The following GGACT variants were observed in gnomAD, a reference collection of about 807,000 sequenced individuals.
The protein encoded by GGACT is gamma-glutamylaminecyclotransferase.
For missense variants in GGACT, 241 were observed against 233.2 expected (o/e 1.03, Z -0.22); for synonymous variants, 118 against 115.3 (o/e 1.02, Z -0.15).
chr13:100,574,513 T>C (rs1434662360), intron 2 of GGACT, among the ~76,000 whole-genome samples: 1 of 152,004 alleles, frequency 6.6e-6, no homozygotes, highest in African/African-American at 2.4e-5. Flanking sequence ...GAGGCAGAGG[T>C]TGCAGTGAGC....
At position 100,531,857 on chromosome 13, in the gene GGACT, G is replaced by C. The variant is rs1191636235; in HGVS notation, c.*273C>G. ...CCAACAGCAGAAACAACACGAGGAG[G>C]AAGAAGAATTAGGCATAACACGAGT... is the stretch of plus-strand genomic sequence containing the variant. On this transcript the variant is annotated 3_prime_UTR_variant, in exon 3 of 3. Transcript: ENST00000683975. 2 of 368,904 alleles carry C rather than the reference G, an allele frequency of 5.4e-6. No homozygotes were observed. Among genetic ancestry groups the C allele is most frequent in the African/African-American group, 4.2e-5 (2 of 47,854 alleles). 22.9% of individuals were successfully genotyped at this position (368,904 alleles called of 1,614,324 possible).
intron 1 of GGACT, chr13:100,587,046 A>G (rs1875599580): frequency 6.6e-6 from 1 of 152,156 alleles, no homozygotes; most frequent in African/African-American, 2.4e-5. Context: ...AGGGCTGCGA[A>G]TATTTCGTGT....
intron 2 of GGACT, among the ~76,000 whole-genome samples, chr13:100,541,537 C>T (rs1030133156): frequency 1.3e-5 from 2 of 152,198 alleles, no homozygotes; most frequent in African/African-American, 4.8e-5. Flanking sequence ...TAACTCCATC[C>T]TTTATCAACA....
chr13:100,575,149 T>C (rs1875211662), intron 2 of GGACT, among the ~76,000 whole-genome samples: 2 of 152,210 alleles, frequency 1.3e-5, no homozygotes, highest in African/African-American at 4.8e-5. Context: ...TTCTTCCAAG[T>C]AGATGACAGG....
At chr13:100,540,114 C>T (rs2088538377) in intron 2 of GGACT, 2 of 1,579,768 alleles carry the variant, frequency 1.3e-6, no homozygotes, top group Admixed American at 1.7e-5. Context: ...CTGCGGCCTC[C>T]ACTATGTTTC....
chr13:100,577,255 T>A (rs1409487193), intron 2 of GGACT, among the ~76,000 whole-genome samples: 1 of 151,420 alleles, frequency 6.6e-6, no homozygotes, highest in Non-Finnish European at 1.5e-5. Flanking sequence ...ATCTCTACTA[T>A]AAATACAAAA....
At chr13:100,536,839 C>G (rs2088499156) in intron 2 of GGACT, 1 of 152,566 alleles carries the variant, frequency 6.6e-6, no homozygotes, top group African/African-American at 2.4e-5. Flanking sequence ...GTGTTCTTGT[C>G]AGGCTCTCCA....
At chr13:100,562,093 G>A (rs1287326734) in intron 2 of GGACT, among the ~76,000 whole-genome samples, 1 of 152,132 alleles carries the variant, frequency 6.6e-6, no homozygotes, top group Non-Finnish European at 1.5e-5. Flanking sequence ...CCTCTAAATA[G>A]GGACAGAAAC....
intron 2 of GGACT, among the ~76,000 whole-genome samples, chr13:100,548,415 A>G (rs2088628292): frequency 6.6e-6 from 1 of 152,278 alleles, no homozygotes; most frequent in Admixed American, 6.5e-5. Context: ...CAAAACAATT[A>G]CAAAATATCA....
rs1356031903 is a variant in GGACT at position 100,532,368 on chromosome 13, A to T, written c.224T>A (p.Leu75Gln). Residue 75 changes from leucine to glutamine, a missense_variant, in exon 3 of 3, where the codon CTG becomes CAG. Coordinates refer to ENST00000683975, the MANE Select transcript of GGACT (RefSeq NM_001195087.2). ...GEVYAVDERM[L>Q]RFLDDFESCP... ...ACTCTCGAAGTCATCCAGAAAGCGC[A>T]GCATCCGCTCGTCTACCGCGTAGAC... is the stretch of plus-strand genomic sequence containing the variant. The T allele has an allele frequency of 6.4e-7, 1 of 1,550,464 alleles. No homozygotes were observed. The highest frequency in any genetic ancestry group is 1.4e-5 in the African/African-American group (1 of 73,032).
chr13:100,539,916 T>G (rs1594183834), intron 2 of GGACT: 1 of 1,404,664 alleles, frequency 7.1e-7, no homozygotes, highest in East Asian at 2.3e-5. Context: ...TGGGCTTTGG[T>G]GGGGGACGTG....
Position 100,532,134 on chromosome 13 carries a change from C to T in GGACT, c.458G>A (p.Arg153Lys). 6.9e-7 allele frequency: 1 copy of T among 1,446,626 alleles called. No individual in the cohort carries two copies. The highest frequency in any genetic ancestry group is 1.4e-5 in the African/African-American group (1 of 69,690). 89.6% of individuals were successfully genotyped at this position (1,446,626 alleles called of 1,614,324 possible). Residue 153 changes from arginine (R) to lysine (K), a missense_variant, in exon 3 of 3, where the codon AGA (arginine) becomes AAA (lysine). Transcript: ENST00000683975. ...GGCCCACCCTGCCCGTCCCCCTTAT[C>T]TGTTCTCCCGGGGGTTGTAGCGCAG... ...HGLRYNPREN[R>K]
intron 2 of GGACT, among the ~76,000 whole-genome samples, chr13:100,567,990 G>A (rs1874957374): frequency 1.3e-5 from 2 of 152,208 alleles, no homozygotes; most frequent in African/African-American, 4.8e-5. Flanking sequence ...GGTGGCATGA[G>A]GCAGGGCAGG....
In GGACT at chr13:100,532,073, T is replaced by G; in HGVS notation, c.*57A>C. ...GCTTCCGCCTTCACCCAGCATGGGC[T>G]GGGCGCATCTTGGAGCCCCAGGGCT... On this transcript the variant is annotated 3_prime_UTR_variant, in exon 3 of 3. Transcript: ENST00000683975. 1 of 1,297,138 alleles carries G rather than the reference T, an allele frequency of 7.7e-7. No homozygotes were observed. Among genetic ancestry groups the G allele is most frequent in the African/African-American group, 1.5e-5 (1 of 66,314 alleles). The allele number at this position is 1,297,138 out of a possible 1,614,324, so 80.4% of individuals were successfully genotyped here.
chr13:100,546,074 T>C (rs555808010), intron 2 of GGACT, among the ~76,000 whole-genome samples: 12 of 152,116 alleles, frequency 7.9e-5, no homozygotes, highest in African/African-American at 2.9e-4. Context: ...AAGAATGAAA[T>C]AGATGGCCGG....
At chr13:100,555,462 C>T (rs1354227575) in intron 2 of GGACT, among the ~76,000 whole-genome samples, 2 of 151,906 alleles carry the variant, frequency 1.3e-5, no homozygotes, top group African/African-American at 2.4e-5. Flanking sequence ...CCCAGGAGGT[C>T]GAGGCTGCAG....
chr13:100,555,302 A>G (rs148178506), intron 2 of GGACT, among the ~76,000 whole-genome samples: 37 of 152,294 alleles, frequency 2.4e-4, no homozygotes, highest in African/African-American at 8.7e-4. Context: ...AAGCAGGTGG[A>G]CTGCTGGAGT....
At chr13:100,559,466 C>T (rs146508758) in intron 2 of GGACT, among the ~76,000 whole-genome samples, 448 of 152,044 alleles carry the variant, frequency 2.9e-3, no homozygotes, top group African/African-American at 0.01. Flanking sequence ...GGATTACAGG[C>T]GTGAGCCACC....
At chr13:100,546,911 A>AC (rs2088610576) in intron 2 of GGACT, among the ~76,000 whole-genome samples, 2 of 150,320 alleles carry the variant, frequency 1.3e-5, no homozygotes, top group South Asian at 4.3e-4. Flanking sequence ...TCTTCCTTTC[A>AC]CCCCCCTACG....
Sources: gnomAD v4.1 joint callset for allele counts (sites outside exome capture counted in the v4.1 genomes callset) on GRCh38, gnomAD v4.1.1 for gene constraint, MANE v1.5 for transcripts, NCBI Gene and HGNC (gene_info 2026-07-23, HGNC 2026-07-21) for gene names.